Variants in GRIK3 observed in about 807,000 individuals in gnomAD.
GRIK3 encodes the protein glutamate ionotropic receptor kainate type subunit 3, also known as glutamate receptor ionotropic, kainate 3.
GRIK3 carries 29 observed loss-of-function variants against 102.5 expected under a neutral mutation model. The ratio of observed to expected loss-of-function variants is 0.28; its 90% confidence interval spans 0.21 to 0.39. The LOEUF (loss-of-function observed/expected upper bound fraction) is 0.39, where lower values mean the gene tolerates loss of function less well. Among genes scored for constraint, GRIK3 ranks in the 10% least tolerant of loss-of-function variants. The pLI, the probability that GRIK3 is intolerant of heterozygous loss-of-function variation, is 1.00. For missense variants in GRIK3, 908 were observed against 1,252.4 expected, an observed-to-expected ratio of 0.73 and a Z score of 4.15; for synonymous variants, 511 against 504.9, an observed-to-expected ratio of 1.01 and a Z score of -0.16.
At chr1:36,853,892 G>A (rs747894581) in intron 7 of GRIK3, among the ~76,000 whole-genome samples, 170 bp from the exon 8 acceptor site, 15 of 152,122 alleles carry the variant, frequency 9.9e-5, no homozygotes, top group Middle Eastern at 3.2e-3. Context: ...GTGAGCCAGC[G>A]ATTTCCATAA....
intron 1 of GRIK3, among the ~76,000 whole-genome samples, chr1:36,964,478 G>A (rs74064820): frequency 0.031 from 4,787 of 152,226 alleles, 226 homozygotes; most frequent in African/African-American, 0.1. Context: ...ACTGGAAACC[G>A]AACCCCCACA....
Position 36,982,737 on chromosome 1 carries a change from G to A in GRIK3, c.115+51257C>T, listed in dbSNP as rs1291409638. Among the ~76,000 whole-genome samples, 4 of 151,846 alleles carry A rather than the reference G, an allele frequency of 2.6e-5. No homozygotes were observed. In the South Asian group the frequency reaches 8.4e-4, roughly 32 times the overall value. On this transcript the variant is annotated intron_variant, in intron 1 of 15. Coordinates refer to ENST00000373091, the MANE Select transcript of GRIK3 (RefSeq NM_000831.4). ...GTGGAAGGGGCAGCCCAGCGACCGG[G>A]GTCTTTAAGCAGGCAGGAAAGTGGA...
chr1:36,817,296 T>C lies in GRIK3; in HGVS notation c.1874-19A>G. 6 of 1,527,106 alleles carry C rather than the reference T, an allele frequency of 3.9e-6. No individual in the cohort carries two copies. The highest frequency in any genetic ancestry group is 5.5e-6 in the Non-Finnish European group (6 of 1,100,816). The allele number at this position is 1,527,106 out of a possible 1,614,324, so 94.6% of individuals were successfully genotyped here. A position where few individuals can be genotyped will look rare whatever the true frequency, so the allele number is the denominator to read the frequency against. On this transcript the variant is annotated intron_variant, in intron 12 of 15. Transcript: ENST00000373091. Reference sequence around the variant, plus strand: ...TCAGACCCTGGGCGAAGAGAGGAGATAGTCAGTCCCTTACAACATCCAGAC... The same window carrying C: ...TCAGACCCTGGGCGAAGAGAGGAGACAGTCAGTCCCTTACAACATCCAGAC...
At chr1:36,911,002 G>C (rs918067369) in intron 1 of GRIK3, among the ~76,000 whole-genome samples, 5 of 152,158 alleles carry the variant, frequency 3.3e-5, no homozygotes, top group South Asian at 4.1e-4. Flanking sequence ...ACGTCTTCAT[G>C]GGGGAGGCAG....
chr1:36,966,926 T>C (rs1247293244), intron 1 of GRIK3, among the ~76,000 whole-genome samples: 2 of 152,216 alleles, frequency 1.3e-5, no homozygotes, highest in African/African-American at 2.4e-5. Context: ...ATGTGCTTGT[T>C]TTGAGGGATA....
intron 1 of GRIK3, among the ~76,000 whole-genome samples, chr1:37,006,785 G>T (rs183447731): frequency 6.6e-6 from 1 of 152,350 alleles, no homozygotes; most frequent in Non-Finnish European, 1.5e-5. Flanking sequence ...ATGGATCCTG[G>T]AGGGGCTGGA....
At chr1:36,813,933 A>G (rs537088023) in intron 13 of GRIK3, among the ~76,000 whole-genome samples, 1 of 152,268 alleles carries the variant, frequency 6.6e-6, no homozygotes, top group East Asian at 1.9e-4. Flanking sequence ...CATAAAGAGG[A>G]ATTAATTGAC....
intron 2 of GRIK3, among the ~76,000 whole-genome samples, chr1:36,887,486 G>C (rs1388288792): frequency 6.6e-6 from 1 of 152,102 alleles, no homozygotes; most frequent in African/African-American, 2.4e-5. Context: ...GCGGGGCGTG[G>C]TGGCTCATAC....
intron 14 of GRIK3, among the ~76,000 whole-genome samples, chr1:36,805,756 G>T (rs1157253989): frequency 6.6e-6 from 1 of 151,646 alleles, no homozygotes; most frequent in Non-Finnish European, 1.5e-5. Context: ...GACCAACATG[G>T]AGAAACCCCG....
intron 10 of GRIK3, among the ~76,000 whole-genome samples, chr1:36,840,848 G>A (rs472462): frequency 0.011 from 1,614 of 152,340 alleles, 26 homozygotes; most frequent in African/African-American, 0.036. Context: ...CTGGGCGTCT[G>A]AGAACTATGA....
At chr1:36,985,833 T>G (rs1391313612) in intron 1 of GRIK3, among the ~76,000 whole-genome samples, 1 of 152,180 alleles carries the variant, frequency 6.6e-6, no homozygotes, top group Non-Finnish European at 1.5e-5. Flanking sequence ...GTCTCCCTGC[T>G]GTGCACATCA....
At chr1:36,851,103 C>G (rs930663669) in intron 8 of GRIK3, among the ~76,000 whole-genome samples, 2 of 152,220 alleles carry the variant, frequency 1.3e-5, no homozygotes, top group Admixed American at 1.3e-4. Flanking sequence ...CTCAGCTCCT[C>G]TCACTCAAGG....
At chr1:36,972,119 G>A (rs910123103) in intron 1 of GRIK3, among the ~76,000 whole-genome samples, 3 of 152,216 alleles carry the variant, frequency 2.0e-5, no homozygotes, top group African/African-American at 4.8e-5. Flanking sequence ...CAGGCCACAC[G>A]CGGAGGCTCC....
At chr1:36,992,892 A>G (rs533836493) in intron 1 of GRIK3, among the ~76,000 whole-genome samples, 1 of 152,320 alleles carries the variant, frequency 6.6e-6, no homozygotes, top group African/African-American at 2.4e-5. Flanking sequence ...GTCTGATCCC[A>G]GGGCCTGAAC....
intron 1 of GRIK3, among the ~76,000 whole-genome samples, chr1:36,898,566 C>G (rs1437866614): frequency 6.6e-6 from 1 of 152,148 alleles, no homozygotes; most frequent in African/African-American, 2.4e-5. Context: ...ATCCCATGTT[C>G]ATGGACTGGA....
At chr1:36,822,471 GAGAGA>G (rs1162230997) in intron 11 of GRIK3, among the ~76,000 whole-genome samples, 3 of 152,226 alleles carry the variant, frequency 2.0e-5, no homozygotes, top group African/African-American at 7.2e-5. Flanking sequence ...TCGGCCACAG[GAGAGA>G]AGAGGAGTGG....
intron 11 of GRIK3, among the ~76,000 whole-genome samples, chr1:36,823,097 C>A (rs1014120575): frequency 6.6e-6 from 1 of 152,148 alleles, no homozygotes; most frequent in African/African-American, 2.4e-5. Flanking sequence ...AGATCTCCAG[C>A]AGCCAGCATG....
chr1:36,889,707 T>A (rs755354651), intron 2 of GRIK3, among the ~76,000 whole-genome samples: 12 of 152,132 alleles, frequency 7.9e-5, no homozygotes, highest in Non-Finnish European at 1.8e-4. Flanking sequence ...TCGGAAACTC[T>A]GCCCTGGGGT....
At chr1:36,891,525 C>CA (rs1263060879) in intron 1 of GRIK3, among the ~76,000 whole-genome samples, 1 of 152,164 alleles carries the variant, frequency 6.6e-6, no homozygotes, top group African/African-American at 2.4e-5. Context: ...AATCAACTCA[C>CA]AAAATGCAAG....
Sources: gnomAD v4.1 joint callset for allele counts (sites outside exome capture counted in the v4.1 genomes callset) on GRCh38, gnomAD v4.1.1 for gene constraint, MANE v1.5 for transcripts, NCBI Gene and HGNC (gene_info 2026-07-23, HGNC 2026-07-21) for gene names.